The following PPP1R3C variants were observed in gnomAD, a reference collection of about 807,000 sequenced individuals.
PPP1R3C encodes protein phosphatase 1 regulatory subunit 3C.
A neutral mutation model predicts 29.3 loss-of-function variants in PPP1R3C; 20 were observed. The ratio of observed to expected loss-of-function variants is 0.68; its 90% confidence interval spans 0.48 to 0.99. The LOEUF (loss-of-function observed/expected upper bound fraction) is 0.99, where lower values mean the gene tolerates loss of function less well. Ranked by LOEUF, PPP1R3C falls within the 50% of genes least tolerant of loss-of-function variation. The probability of loss-of-function intolerance (pLI) is 0.00; values close to 1 mark genes in which losing one functional copy is unlikely to be tolerated. For missense variants in PPP1R3C, 321 were observed against 386.0 expected (o/e 0.83, Z 1.41); for synonymous variants, 123 against 143.1 (o/e 0.86, Z 1.00).
Position 91,630,085 on chromosome 10 carries a change from C to T in PPP1R3C, c.796G>A (p.Val266Met). 3 of 1,614,186 alleles carry T rather than the reference C, an allele frequency of 1.9e-6. No homozygotes were observed. Among genetic ancestry groups the T allele is most frequent in the Non-Finnish European group, 2.5e-6 (3 of 1,180,040 alleles). ...IVHVQWKPDG[V>M]QTQMAPQDCA... is the part of the protein sequence containing the mutation. ...TCCTGGGGTGCCATCTGTGTCTGCA[C>T]CCCATCAGGCTTCCATTGAACATGA... The change falls in exon 2 of 2, where the codon GTG becomes ATG. Residue 266 changes from valine to methionine, a missense_variant. Coordinates refer to ENST00000238994, the MANE Select transcript of PPP1R3C (RefSeq NM_005398.7). This position sits in a 1 kb window ranked among gnomAD's most constrained non-coding sequence, Gnocchi z 4.4.
At chr10:91,632,168 T>C (rs762237916) in intron 1 of PPP1R3C, among the ~76,000 whole-genome samples, 43 of 152,226 alleles carry the variant, frequency 2.8e-4, no homozygotes, top group Admixed American at 2.0e-3. Flanking sequence ...TAAACATGTA[T>C]GCAAGTGGTC....
In PPP1R3C at chr10:91,629,846, G is replaced by C. The variant is rs759770745; in HGVS notation, c.*81C>G. 3.1e-4 allele frequency: 455 copies of C among 1,456,034 alleles called. No homozygotes were observed. Among genetic ancestry groups the C allele is most frequent in the Non-Finnish European group, 4.1e-4 (424 of 1,046,266 alleles). 90.2% of individuals were successfully genotyped at this position (1,456,034 alleles called of 1,614,324 possible). A position where few individuals can be genotyped will look rare whatever the true frequency, so the allele number is the denominator to read the frequency against. ...TAAACCTACTGATGGAGTAGCAAAG[G>C]CTTCCTAAAATTGAGCAATACAGAC... On this transcript the variant is annotated 3_prime_UTR_variant, in exon 2 of 2. Coordinates refer to ENST00000238994, the MANE Select transcript of PPP1R3C (RefSeq NM_005398.7).
chr10:91,631,291 CCTCT>C (rs148668247), intron 1 of PPP1R3C, among the ~76,000 whole-genome samples: 11 of 151,456 alleles, frequency 7.3e-5, no homozygotes, highest in South Asian at 2.1e-4. Context: ...TTCCTTTCTT[CCTCT>C]CTCTCTCTCT....
Position 91,628,982 on chromosome 10 carries a change from T to C in PPP1R3C, c.*945A>G, listed in dbSNP as rs1375779018. 1 of 152,272 alleles carries C rather than the reference T, an allele frequency of 6.6e-6. No individual in the cohort carries two copies. Among genetic ancestry groups the C allele is most frequent in the Non-Finnish European group, 1.5e-5 (1 of 68,036 alleles). 9.4% of individuals were successfully genotyped at this position (152,272 alleles called of 1,614,324 possible). On this transcript the variant is annotated 3_prime_UTR_variant, in exon 2 of 2. Transcript: ENST00000238994. Reference sequence around the variant, plus strand: ...AGATACAACATTATTGCAGGAGGAATGCCTGTGTACAGAGTGGACCATCTT... The same window carrying C: ...AGATACAACATTATTGCAGGAGGAACGCCTGTGTACAGAGTGGACCATCTT...
At chr10:91,631,539 AT>A (rs1351128024) in intron 1 of PPP1R3C, among the ~76,000 whole-genome samples, 1 of 149,606 alleles carries the variant, frequency 6.7e-6, no homozygotes, top group Non-Finnish European at 1.5e-5. Context: ...AAAAAAAAAA[AT>A]AACATGCAAC....
intron 1 of PPP1R3C, among the ~76,000 whole-genome samples, chr10:91,631,497 T>C (rs1208985833): frequency 6.6e-6 from 1 of 150,984 alleles, no homozygotes; most frequent in African/African-American, 2.5e-5. Context: ...GCTAAATTGA[T>C]TGACACTTCT....
At position 91,630,159 on chromosome 10, in the gene PPP1R3C, T is replaced by G; in HGVS notation, c.722A>C (p.Asn241Thr). The change falls in exon 2 of 2, where the codon AAT (asparagine) becomes ACT (threonine). Residue 241 changes from asparagine to threonine, a missense_variant. Transcript: ENST00000238994. This position sits in a 1 kb window ranked among gnomAD's most constrained non-coding sequence, Gnocchi z 4.4. ...KIEFCISYHA[N>T]GQVFWDNNDG... ...ATTGTTGTCCCAAAAGACTTGCCCA[T>G]TAGCATGGTAAGAAATGCAGAACTC... The G allele has an allele frequency of 6.2e-7, 1 of 1,614,206 alleles. No individual in the cohort carries two copies. The highest frequency in any genetic ancestry group is 1.3e-5 in the African/African-American group (1 of 75,052).
chr10:91,631,253 T>C (rs2133484363), intron 1 of PPP1R3C, among the ~76,000 whole-genome samples: 1 of 152,326 alleles, frequency 6.6e-6, no homozygotes, highest in Non-Finnish European at 1.5e-5. Flanking sequence ...CTTTCTTGTC[T>C]TTCCTCCTTT....
rs1848710091 is a variant in PPP1R3C at position 91,630,783 on chromosome 10, G to A, written c.98C>T (p.Ser33Leu). ...GCCCAGGAAACTCTTCACAGGTGGTGAATGTGCCAAGCAAAGCCTCATGGC... is the reference window on the plus strand; with the variant it reads ...GCCCAGGAAACTCTTCACAGGTGGTAAATGTGCCAAGCAAAGCCTCATGGC... ...DVAMRLCLAH[S>L]PPVKSFLGPY... The change falls in exon 2 of 2, where the codon TCA (serine) becomes TTA (leucine). Residue 33 changes from serine to leucine, a missense_variant. Ser to Leu is a moderately radical substitution (Grantham distance 145). Coordinates refer to ENST00000238994, the MANE Select transcript of PPP1R3C (RefSeq NM_005398.7). This position sits in a 1 kb window ranked among gnomAD's most constrained non-coding sequence, Gnocchi z 4.4. 2 of 1,614,072 alleles carry A rather than the reference G, an allele frequency of 1.2e-6. No homozygotes were observed. The highest frequency in any genetic ancestry group is 1.7e-5 in the Admixed American group (1 of 60,012).
In PPP1R3C at chr10:91,629,063, G is replaced by A. The variant is rs1206028912; in HGVS notation, c.*864C>T. ...GACCATTCAGATATTTGGGTTAAAC[G>A]ATGACAGTTTTCTGGTTTAATCAAG... On this transcript the variant is annotated 3_prime_UTR_variant, in exon 2 of 2. Coordinates refer to ENST00000238994, the MANE Select transcript of PPP1R3C (RefSeq NM_005398.7). 3 of 152,196 alleles carry A rather than the reference G, an allele frequency of 2.0e-5. No homozygotes were observed. Among genetic ancestry groups the A allele is most frequent in the South Asian group, 2.1e-4 (1 of 4,824 alleles). The allele number at this position is 152,196 out of a possible 1,614,324, so 9.4% of individuals were successfully genotyped here.
At chr10:91,631,295 T>A (rs1451338860) in intron 1 of PPP1R3C, among the ~76,000 whole-genome samples, 1 of 152,086 alleles carries the variant, frequency 6.6e-6, no homozygotes, top group Non-Finnish European at 1.5e-5. Flanking sequence ...TTTCTTCCTC[T>A]CTCTCTCTCT....
intron 1 of PPP1R3C, 78 bp downstream of exon 1, chr10:91,632,878 G>T: frequency 7.7e-6 from 12 of 1,551,086 alleles, no homozygotes; most frequent in Non-Finnish European, 1.1e-5. Context: ...AGAGATGATA[G>T]AACTGAAACG....
chr10:91,630,639 G>A lies in PPP1R3C; in HGVS notation c.242C>T (p.Ala81Val), dbSNP rs776057126. ...QNDWKCSHNQ[A>V]KKRVVFADSK... ...GTCAGCAAACACAACGCGCTTCTTG[G>A]CTTGGTTGTGTGAGCACTTCCAGTC... The change falls in exon 2 of 2, where the codon GCC (alanine) becomes GTC (valine). Residue 81 changes from alanine to valine, a missense_variant. Ala to Val is a moderately conservative substitution (Grantham distance 64). Transcript: ENST00000238994. This position sits in a 1 kb window ranked among gnomAD's most constrained non-coding sequence, Gnocchi z 4.4. 1 of 1,611,236 alleles carries A rather than the reference G, an allele frequency of 6.2e-7. No homozygotes were observed. The highest frequency in any genetic ancestry group is 8.5e-7 in the Non-Finnish European group (1 of 1,177,634).
At chr10:91,632,923 T>A (rs373814955) in intron 1 of PPP1R3C, 33 bp downstream of exon 1, 8 of 1,607,920 alleles carry the variant, frequency 5.0e-6, no homozygotes, top group African/African-American at 2.7e-5. Flanking sequence ...CGTTCCCCTG[T>A]GTTCCTAGCG....
chr10:91,632,371 T>G lies in PPP1R3C; in HGVS notation c.14+585A>C, dbSNP rs567911344. Among the ~76,000 whole-genome samples the G allele has an allele frequency of 5.9e-5, 9 of 152,064 alleles. No individual in the cohort carries two copies. The South Asian group carries it at 1.5e-3, about 25-fold the overall frequency. ...TGTCTGGAGAAGCTATTTAAAGTAG[T>G]TTTATGGGAGGTTTTTTTTGGTTTT... On this transcript the variant is annotated intron_variant, in intron 1 of 1. Coordinates refer to ENST00000238994, the MANE Select transcript of PPP1R3C (RefSeq NM_005398.7).
At chr10:91,632,295 T>C (rs1186686760) in intron 1 of PPP1R3C, among the ~76,000 whole-genome samples, 1 of 152,154 alleles carries the variant, frequency 6.6e-6, no homozygotes, top group Non-Finnish European at 1.5e-5. Flanking sequence ...TATTTGTGGG[T>C]CTAATAATAG....
rs1030125603 is a variant in PPP1R3C at position 91,628,624 on chromosome 10, G to A, written c.*1303C>T. 2.0e-5 allele frequency: 3 copies of A among 152,102 alleles called. No homozygotes were observed. Among genetic ancestry groups the A allele is most frequent in the Non-Finnish European group, 2.9e-5 (2 of 68,010 alleles). 9.4% of individuals were successfully genotyped at this position (152,102 alleles called of 1,614,324 possible). ...ACATGTTAAAATTAACTGCATTCTT[G>A]TAACACCTCTCAATGGTTGTGCACA... On this transcript the variant is annotated 3_prime_UTR_variant, in exon 2 of 2. Coordinates refer to ENST00000238994, the MANE Select transcript of PPP1R3C (RefSeq NM_005398.7).
In PPP1R3C at chr10:91,629,711, C is replaced by A; in HGVS notation, c.*216G>T. ...TACCTTTATAAAAATAGTTTTCAAC[C>A]TGTTACTTGATCCTTCAAAGCCAAA... On this transcript the variant is annotated 3_prime_UTR_variant, in exon 2 of 2. Transcript: ENST00000238994. 2 of 589,276 alleles carry A rather than the reference C, an allele frequency of 3.4e-6. No individual in the cohort carries two copies. Among genetic ancestry groups the A allele is most frequent in the Non-Finnish European group, 6.0e-6 (2 of 333,708 alleles). 36.5% of individuals were successfully genotyped at this position (589,276 alleles called of 1,614,324 possible).
At chr10:91,632,910 G>C (rs1848731965) in intron 1 of PPP1R3C, 46 bp downstream of exon 1, 1 of 1,598,948 alleles carries the variant, frequency 6.3e-7, no homozygotes, top group Non-Finnish European at 8.5e-7. Context: ...CCCCACAGCT[G>C]CGCGTTCCCC....
Sources: allele counts gnomAD v4.1 joint callset (sites outside exome capture counted in the v4.1 genomes callset), GRCh38; gene constraint gnomAD v4.1.1; non-coding constraint Gnocchi (gnomAD v3.1); transcripts MANE v1.5; gene names NCBI Gene and HGNC (gene_info 2026-07-23, HGNC 2026-07-21).